SCAPER: variants seen among roughly 807,000 people sequenced by gnomAD.
SCAPER encodes S-phase cyclin A associated protein in the ER, also known as S phase cyclin A-associated protein in the endoplasmic reticulum.
Under a neutral mutation model 182.2 loss-of-function variants are expected in SCAPER, and 98 were observed. The ratio of observed to expected loss-of-function variants is 0.54; its 90% CI spans 0.46 to 0.64. The LOEUF (loss-of-function observed/expected upper bound fraction) is 0.64. Ranked by LOEUF, SCAPER falls within the 30% of genes least tolerant of loss-of-function variation. The probability of loss-of-function intolerance (pLI) is 0.00; values close to 1 mark genes in which losing one functional copy is unlikely to be tolerated. For synonymous variants in SCAPER, 605 were observed against 564.6 expected, an observed-to-expected ratio of 1.07 and a Z score of -1.01; for missense variants, 1,432 against 1,690.0, an observed-to-expected ratio of 0.85 and a Z score of 2.68.
At chr15:76,843,165 G>A (rs1005507428) in intron 4 of SCAPER, among the ~76,000 whole-genome samples, 1 of 152,116 alleles carries the variant, frequency 6.6e-6, no homozygotes, top group Non-Finnish European at 1.5e-5. Context: ...AAATCATAAA[G>A]TATATCATTC....
chr15:76,455,346 A>C (rs1388095820), intron 25 of SCAPER, among the ~76,000 whole-genome samples: 2 of 152,192 alleles, frequency 1.3e-5, no homozygotes, highest in African/African-American at 4.8e-5. Context: ...TATTATGGGA[A>C]TCTCTAAATT....
chr15:76,500,863 A>AACCCTGTCTCTACTAAAAATGAG (rs1416881913), intron 24 of SCAPER, among the ~76,000 whole-genome samples: 14 of 151,946 alleles, frequency 9.2e-5, no homozygotes, highest in Non-Finnish European at 1.5e-4. Context: ...AACATCGTGA[A>AACCCTGTCTCTACTAAAAATGAG]ACCCTGTCTC....
At chr15:76,527,763 TC>T (rs1465697965) in intron 23 of SCAPER, among the ~76,000 whole-genome samples, 4 of 152,238 alleles carry the variant, frequency 2.6e-5, no homozygotes, top group Admixed American at 6.5e-5. Flanking sequence ...TTATATTCAC[TC>T]TATTTCTAGT....
intron 29 of SCAPER, among the ~76,000 whole-genome samples, chr15:76,368,592 AG>A (rs1350322527): frequency 3.3e-5 from 5 of 152,230 alleles, no homozygotes; most frequent in African/African-American, 1.2e-4. Context: ...AGCCTTTGAC[AG>A]GGCGTGGTGC....
intron 8 of SCAPER, among the ~76,000 whole-genome samples, chr15:76,776,756 C>A (rs991874691): frequency 1.8e-4 from 27 of 152,050 alleles, no homozygotes; most frequent in African/African-American, 6.5e-4. Context: ...GCTTATAAAA[C>A]CGGTAGGAGG....
Position 76,728,060 on chromosome 15 carries a change from G to A in SCAPER, c.2165+535C>T, listed in dbSNP as rs76142173. The stretch of plus-strand genomic sequence containing the variant: ...TAATTCAGAAGTCACAAAATATCAC[G>A]TCAGTAAGGTCACACCAATAAAAGG... On this transcript the variant is annotated intron_variant, in intron 17 of 31. Coordinates refer to ENST00000563290, the MANE Select transcript of SCAPER (RefSeq NM_020843.4). Among the ~76,000 whole-genome samples, 70 of 152,028 alleles carry A rather than the reference G, an allele frequency of 4.6e-4. No homozygotes were observed. In the East Asian group the frequency reaches 0.013, roughly 27 times the overall value.
Position 76,526,329 on chromosome 15 carries a change from C to T in SCAPER, c.2839-21355G>A, listed in dbSNP as rs73444302. ...TGTATTGGTTTTTGGCAGCTCTTATCGCTAAGATGAAGTTTGCTACCAGTC... is the reference window on the plus strand; with the variant it reads ...TGTATTGGTTTTTGGCAGCTCTTATTGCTAAGATGAAGTTTGCTACCAGTC... On this transcript the variant is annotated intron_variant, in intron 23 of 31. Coordinates refer to ENST00000563290, the MANE Select transcript of SCAPER (RefSeq NM_020843.4). Among the ~76,000 whole-genome samples the T allele has an allele frequency of 4.5e-3, 685 of 152,216 alleles. 7 individuals are homozygous for T. Among genetic ancestry groups the T allele is most frequent in the African/African-American group, 0.016 (646 of 41,534 alleles).
At chr15:76,500,052 T>A (rs1013521817) in intron 24 of SCAPER, among the ~76,000 whole-genome samples, 2 of 152,202 alleles carry the variant, frequency 1.3e-5, no homozygotes, top group East Asian at 3.8e-4. Flanking sequence ...CTCATAACAG[T>A]TCTATAAGGT....
chr15:76,468,665 T>C (rs1196467898), intron 25 of SCAPER, among the ~76,000 whole-genome samples: 3 of 152,174 alleles, frequency 2.0e-5, no homozygotes, highest in African/African-American at 4.8e-5. Flanking sequence ...ACTGAATATC[T>C]TTCTCTGTGC....
Position 76,665,668 on chromosome 15 carries a change from G to A in SCAPER, c.2630C>T (p.Ala877Val), listed in dbSNP as rs1409606340. The A allele has an allele frequency of 1.9e-6, 3 of 1,593,710 alleles. No homozygotes were observed. In the South Asian group the frequency reaches 3.5e-5, roughly 18 times the overall value. Residue 877 changes from alanine (A) to valine (V), a missense_variant, in exon 21 of 32, where the codon GCC (alanine) becomes GTC (valine). This residue lies in a region of SCAPER where 718 missense variants were observed against 799.7 expected (regional missense o/e 0.90). Transcript: ENST00000563290. ...TTTAAGGTACCTGAAGTTCATCCGG[G>A]CTTTTATCTTTTTGGCTTTTTTTTT... ...KNKKKAKKIK[A>V]RMNFRAKEYE...
At position 76,702,845 on chromosome 15, in the gene SCAPER, C is replaced by A; in HGVS notation, c.2400+5G>T. Reference sequence around the variant, plus strand: ...TATCATTACAATATTGATATAACAACCTACCAGGACATTGCAGAGAGAACA... The same window carrying A: ...TATCATTACAATATTGATATAACAAACTACCAGGACATTGCAGAGAGAACA... On this transcript the variant is annotated splice_donor_5th_base_variant and intron_variant, in intron 19 of 31. Coordinates refer to ENST00000563290, the MANE Select transcript of SCAPER (RefSeq NM_020843.4). The A allele has an allele frequency of 6.3e-7, 1 of 1,593,760 alleles. No homozygotes were observed. Among genetic ancestry groups the A allele is most frequent in the Non-Finnish European group, 8.5e-7 (1 of 1,174,752 alleles).
chr15:76,668,499 G>A (rs1283934208), intron 20 of SCAPER, among the ~76,000 whole-genome samples: 2 of 152,090 alleles, frequency 1.3e-5, no homozygotes, highest in Admixed American at 1.3e-4. Context: ...TGGTCCTCTT[G>A]TTGTTCCCCA....
At chr15:76,468,457 C>T (rs2049861937) in intron 25 of SCAPER, among the ~76,000 whole-genome samples, 1 of 152,066 alleles carries the variant, frequency 6.6e-6, no homozygotes, top group Admixed American at 6.6e-5. Context: ...GGTCAAGAAA[C>T]CTTAGGTTAC....
intron 5 of SCAPER, among the ~76,000 whole-genome samples, chr15:76,820,898 G>A (rs1464641055): frequency 6.6e-6 from 1 of 151,998 alleles, no homozygotes; most frequent in Non-Finnish European, 1.5e-5. Context: ...AAGTCATCAG[G>A]GAAATGCAGA....
At chr15:76,467,806 C>G (rs1323141605) in intron 25 of SCAPER, among the ~76,000 whole-genome samples, 1 of 152,136 alleles carries the variant, frequency 6.6e-6, no homozygotes, top group African/African-American at 2.4e-5. Flanking sequence ...CAGTTCACCT[C>G]TGTAACCCAG....
In SCAPER at chr15:76,766,957, A is replaced by T; in HGVS notation, c.1380T>A (p.Asn460Lys). 6.2e-7 allele frequency: 1 copy of T among 1,608,882 alleles called. No individual in the cohort carries two copies. The highest frequency in any genetic ancestry group is 8.5e-7 in the Non-Finnish European group (1 of 1,178,152). ...LTREIEAEEN[N>K]DINIETDNDS... The stretch of plus-strand genomic sequence containing the variant: ...CGTTGTCAGTTTCAATGTTAATATC[A>T]TTGTTTTCTTCAGCTTCAATTTCTC... Residue 460 changes from asparagine to lysine, a missense_variant, in exon 11 of 32, where the codon AAT (asparagine) becomes AAA (lysine). Physicochemically the swap from Asn to Lys is moderately conservative, Grantham distance 94 (BLOSUM62 0). Coordinates refer to ENST00000563290, the MANE Select transcript of SCAPER (RefSeq NM_020843.4).
At chr15:76,841,296 G>C (rs2069453022) in intron 5 of SCAPER, among the ~76,000 whole-genome samples, 1 of 152,122 alleles carries the variant, frequency 6.6e-6, no homozygotes, top group South Asian at 2.1e-4. Context: ...TTTTTCATAA[G>C]AGGTAATTAA....
intron 20 of SCAPER, among the ~76,000 whole-genome samples, chr15:76,671,833 A>C (rs1382135437): frequency 1.3e-5 from 2 of 152,214 alleles, no homozygotes; most frequent in East Asian, 3.9e-4. Context: ...CAGTGTCTGC[A>C]GGAGAAATTA....
intron 17 of SCAPER, among the ~76,000 whole-genome samples, chr15:76,726,654 C>T (rs1038924430): frequency 4.6e-5 from 7 of 152,102 alleles, no homozygotes; most frequent in South Asian, 2.1e-4. Context: ...CAATGAAATA[C>T]TATTCAGTCT....
Sources: gnomAD v4.1 joint callset for allele counts (sites outside exome capture counted in the v4.1 genomes callset) on GRCh38, gnomAD v4.1.1 for gene constraint, gnomAD v4.1.1 regional missense constraint, MANE v1.5 for transcripts, NCBI Gene and HGNC (gene_info 2026-07-23, HGNC 2026-07-21) for gene names.